RBFOX1: variants seen among roughly 807,000 people sequenced by gnomAD.
The protein encoded by RBFOX1 is RNA binding fox-1 homolog 1, also known as RNA binding protein fox-1 homolog 1.
In RBFOX1, 8 loss-of-function variants were observed where a neutral mutation model predicts 57.7. The observed-to-expected ratio is 0.14, with a 90% confidence interval of 0.08 to 0.25. The LOEUF (loss-of-function observed/expected upper bound fraction) is 0.25. RBFOX1 is among the 10% of genes least tolerant of loss of function. The pLI, the probability that RBFOX1 is intolerant of heterozygous loss-of-function variation, is 1.00. For missense variants in RBFOX1, 611 were observed against 548.5 expected (o/e 1.11, Z -1.14); for synonymous variants, 326 against 222.4 (o/e 1.47, Z -4.15).
intron 4 of RBFOX1, among the ~76,000 whole-genome samples, chr16:5,988,385 C>G (rs2060322556): frequency 6.6e-6 from 1 of 152,152 alleles, no homozygotes; most frequent in African/African-American, 2.4e-5. Flanking sequence ...TTTAGGATTA[C>G]GTTATCAAGC....
In RBFOX1 at chr16:5,520,486, T is replaced by C. The variant is rs114257118; in HGVS notation, c.258+53232T>C. On this transcript the variant is annotated intron_variant, in intron 2 of 2. Coordinates refer to the RBFOX1 transcript ENST00000585867. ...CTACATCTGGCTGATGAACTGGAAA[T>C]GAAACTGTTCTGGGGTTTCTGGGAA... 5.1e-3 allele frequency among the ~76,000 whole-genome samples: 774 copies of C among 152,322 alleles called. 11 individuals carry two copies. The highest frequency in any genetic ancestry group is 0.018 in the African/African-American group (743 of 41,574).
chr16:6,443,149 G>C (rs988929995), intron 2 of RBFOX1, among the ~76,000 whole-genome samples: 1 of 152,154 alleles, frequency 6.6e-6, no homozygotes, highest in African/African-American at 2.4e-5. Flanking sequence ...ATAGGCCTGG[G>C]TGAGCTATTG....
At chr16:6,921,938 T>G (rs1342113204) in intron 3 of RBFOX1, among the ~76,000 whole-genome samples, 1 of 152,196 alleles carries the variant, frequency 6.6e-6, no homozygotes, top group Non-Finnish European at 1.5e-5. Context: ...GGCAGTCACC[T>G]TAGCTTCTGC....
intron 2 of RBFOX1, among the ~76,000 whole-genome samples, chr16:6,586,369 G>T (rs1340245729): frequency 6.6e-6 from 1 of 152,148 alleles, no homozygotes; most frequent in Non-Finnish European, 1.5e-5. Flanking sequence ...CAGCATAAAT[G>T]GACCCAGTAG....
intron 3 of RBFOX1, among the ~76,000 whole-genome samples, chr16:5,770,567 C>A (rs951810174): frequency 6.6e-6 from 1 of 152,144 alleles, no homozygotes; most frequent in African/African-American, 2.4e-5. Flanking sequence ...ATGGGGTAGC[C>A]CTGCTATTTC....
At chr16:6,590,835 A>G (rs547873216) in intron 2 of RBFOX1, among the ~76,000 whole-genome samples, 1 of 39,010 alleles carries the variant, frequency 2.6e-5, no homozygotes, top group African/African-American at 8.7e-5. Context: ...CATATTGGCA[A>G]GTGCGTTTGA....
Position 5,262,070 on chromosome 16 carries a change from G to A in RBFOX1, c.219+21965G>A, listed in dbSNP as rs1286639530. ...AAATACAGTAAAAGAAACACACAAC[G>A]TATTTTGAGATATCAGAGAAGGGAG... On this transcript the variant is annotated intron_variant, in intron 1 of 2. Coordinates refer to the RBFOX1 transcript ENST00000585867. Among the ~76,000 whole-genome samples, 4 of 152,296 alleles carry A rather than the reference G, an allele frequency of 2.6e-5. No homozygotes were observed. In the East Asian group the frequency reaches 7.7e-4, roughly 29 times the overall value.
intron 13 of RBFOX1, among the ~76,000 whole-genome samples, chr16:7,668,844 A>T (rs909997442): frequency 2.6e-5 from 4 of 152,240 alleles, no homozygotes; most frequent in Non-Finnish European, 5.9e-5. Context: ...TTATACAAAC[A>T]GAGTTGCAAT....
intron 3 of RBFOX1, among the ~76,000 whole-genome samples, chr16:6,850,332 C>G (rs182394838): frequency 6.6e-6 from 1 of 152,224 alleles, no homozygotes; most frequent in African/African-American, 2.4e-5. Flanking sequence ...CTACGTTGTT[C>G]TACAAAATAA....
chr16:6,460,258 C>T (rs1406942064), intron 2 of RBFOX1, among the ~76,000 whole-genome samples: 1 of 151,922 alleles, frequency 6.6e-6, no homozygotes, highest in Non-Finnish European at 1.5e-5. Flanking sequence ...GTGTTTTTCC[C>T]TGTGTGTGTG....
chr16:6,049,326 A>C (rs1206244365), intron 1 of RBFOX1, among the ~76,000 whole-genome samples: 2 of 18,748 alleles, frequency 1.1e-4, no homozygotes, highest in Non-Finnish European at 2.9e-4. Flanking sequence ...AGTCTCCTTT[A>C]AAAAAAAAAT....
chr16:5,582,986 C>G (rs774414039), intron 2 of RBFOX1, among the ~76,000 whole-genome samples: 3 of 152,174 alleles, frequency 2.0e-5, no homozygotes, highest in African/African-American at 7.2e-5. Context: ...CAGACATTAA[C>G]TCATTTAACT....
intron 2 of RBFOX1, among the ~76,000 whole-genome samples, chr16:5,579,884 C>A (rs28631105): frequency 4.0e-5 from 6 of 151,786 alleles, no homozygotes; most frequent in Admixed American, 6.6e-5. Context: ...TTCAGCCTCC[C>A]AAGTAGCTGG....
chr16:6,773,996 T>C (rs1462331014), intron 3 of RBFOX1: 26 of 985,202 alleles, frequency 2.6e-5, no homozygotes, highest in Non-Finnish European at 2.8e-5. Flanking sequence ...AACCTGTAAT[T>C]AGCTCCTCAG....
intron 4 of RBFOX1, among the ~76,000 whole-genome samples, chr16:7,282,844 T>A (rs1345723930): frequency 6.6e-6 from 1 of 152,234 alleles, no homozygotes; most frequent in African/African-American, 2.4e-5. Context: ...TGGTTTTCCA[T>A]TCCTGAGTTA....
At chr16:6,195,480 G>A (rs894086958) in intron 1 of RBFOX1, among the ~76,000 whole-genome samples, 5 of 152,180 alleles carry the variant, frequency 3.3e-5, no homozygotes, top group Non-Finnish European at 5.9e-5. Flanking sequence ...GACTTTGAGA[G>A]GCCAAGGCGG....
chr16:6,752,082 G>A (rs993030673), intron 3 of RBFOX1, among the ~76,000 whole-genome samples: 13 of 152,206 alleles, frequency 8.5e-5, no homozygotes, highest in African/African-American at 1.9e-4. Context: ...CCTGCTGGGC[G>A]TCCATCTACT....
chr16:7,203,993 T>G (rs1024092800), intron 4 of RBFOX1, among the ~76,000 whole-genome samples: 1 of 152,232 alleles, frequency 6.6e-6, no homozygotes, highest in African/African-American at 2.4e-5. Context: ...ATCACTTACG[T>G]TATATTTTAA....
Position 5,572,700 on chromosome 16 carries a change from A to G in RBFOX1, c.259-26202A>G, listed in dbSNP as rs116416181. On this transcript the variant is annotated intron_variant, in intron 2 of 2. Transcript: ENST00000585867. ...GAATCCTTGAAGAGTAGGGTTGGCC[A>G]TTTTACAAAAGGTGGTCAAACAAAG... Among the ~76,000 whole-genome samples the G allele has an allele frequency of 3.1e-3, 470 of 152,324 alleles. 3 individuals are homozygous for G. Among genetic ancestry groups the G allele is most frequent in the African/African-American group, 0.01 (417 of 41,586 alleles).
Sources: allele counts gnomAD v4.1 joint callset (sites outside exome capture counted in the v4.1 genomes callset), GRCh38; gene constraint gnomAD v4.1.1; transcripts MANE v1.5; gene names NCBI Gene and HGNC (gene_info 2026-07-23, HGNC 2026-07-21).